Variants in SORCS2 observed in about 807,000 individuals in gnomAD.
SORCS2 encodes sortilin related VPS10 domain containing receptor 2.
Under a neutral mutation model 141.6 loss-of-function variants are expected in SORCS2, and 100 were observed. That is an observed-to-expected ratio of 0.71 (90% confidence interval 0.60 to 0.83). The LOEUF is 0.83. Ranked by LOEUF, SORCS2 falls within the 40% of genes least tolerant of loss-of-function variation. SORCS2 has a pLI of 0.00. For missense variants in SORCS2, 1,646 were observed against 1,560.2 expected, an observed-to-expected ratio of 1.05 and a Z score of -0.93; for synonymous variants, 789 against 676.9, an observed-to-expected ratio of 1.17 and a Z score of -2.57.
At chr4:7,410,949 CTTTTTTTTTTT>C (rs5855962) in intron 2 of SORCS2, among the ~76,000 whole-genome samples, 2 of 73,842 alleles carry the variant, frequency 2.7e-5, no homozygotes, top group South Asian at 7.6e-4. Context: ...TCTCTCCATC[CTTTTTTTTTTT>C]TTTTTTTTTT....
At chr4:7,546,534 G>C (rs968521236) in intron 3 of SORCS2, among the ~76,000 whole-genome samples, 3 of 152,190 alleles carry the variant, frequency 2.0e-5, no homozygotes, top group African/African-American at 7.2e-5. Context: ...CTTCAAGCGG[G>C]AGAGGAGGTG....
At chr4:7,508,201 G>A (rs1017726747) in intron 2 of SORCS2, among the ~76,000 whole-genome samples, 2 of 149,512 alleles carry the variant, frequency 1.3e-5, no homozygotes, top group Admixed American at 1.3e-4. Flanking sequence ...GAAGGGAAGG[G>A]GGAGAAGGAG....
intron 3 of SORCS2, among the ~76,000 whole-genome samples, chr4:7,619,779 C>A (rs1719031644): frequency 6.6e-6 from 1 of 152,206 alleles, no homozygotes. Flanking sequence ...CCGATACTCA[C>A]GTGGCATAGT....
At chr4:7,335,423 G>A (rs1304570363) in intron 1 of SORCS2, among the ~76,000 whole-genome samples, 1 of 152,226 alleles carries the variant, frequency 6.6e-6, no homozygotes, top group African/African-American at 2.4e-5. Flanking sequence ...CATGGGAGAG[G>A]AATTCCTCCA....
intron 2 of SORCS2, among the ~76,000 whole-genome samples, chr4:7,525,625 C>T (rs536964844): frequency 6.6e-6 from 1 of 152,070 alleles, no homozygotes; most frequent in South Asian, 2.1e-4. Flanking sequence ...ACTTCCTGGG[C>T]CTACATCCTA....
intron 2 of SORCS2, among the ~76,000 whole-genome samples, chr4:7,513,296 G>A (rs1267287088): frequency 6.6e-6 from 1 of 152,220 alleles, no homozygotes; most frequent in Non-Finnish European, 1.5e-5. Flanking sequence ...CATAGCCACA[G>A]CCCCCTGGCT....
At position 7,216,239 on chromosome 4, in the gene SORCS2, G is replaced by A. The variant is rs924823977; in HGVS notation, c.480+23113G>A. Reference sequence around the variant, plus strand: ...GTGAGACCAAGAACCCACCAATTCCGGACACAAAAGCAGCAGTGAGGGGAG... The same window carrying A: ...GTGAGACCAAGAACCCACCAATTCCAGACACAAAAGCAGCAGTGAGGGGAG... On this transcript the variant is annotated intron_variant, in intron 1 of 26. Transcript: ENST00000507866. Among the ~76,000 whole-genome samples, 16 of 152,160 alleles carry A rather than the reference G, an allele frequency of 1.1e-4. 1 individual carries two copies. The highest frequency in any genetic ancestry group is 8.3e-4 in the South Asian group (4 of 4,814).
chr4:7,378,206 C>T (rs3864214), intron 1 of SORCS2, among the ~76,000 whole-genome samples: 96,960 of 151,726 alleles, frequency 0.64, 31,928 homozygotes, highest in East Asian at 0.96. Flanking sequence ...AAAGTAACCT[C>T]GGGTGAGACT....
intron 3 of SORCS2, among the ~76,000 whole-genome samples, chr4:7,587,655 G>A (rs1030130250): frequency 1.3e-5 from 2 of 152,186 alleles, no homozygotes; most frequent in Non-Finnish European, 2.9e-5. Flanking sequence ...ACCCACAGCA[G>A]CGTCTTCGCC....
Position 7,664,285 on chromosome 4 carries a change from A to C in SORCS2, c.953-68A>C. The C allele has an allele frequency of 7.8e-7, 1 of 1,287,604 alleles. No individual in the cohort carries two copies. The allele number at this position is 1,287,604 out of a possible 1,614,324, so 79.8% of individuals were successfully genotyped here. On this transcript the variant is annotated intron_variant, in intron 6 of 26. Transcript: ENST00000507866. The surrounding 1 kb of genome is among the most constrained non-coding windows in gnomAD (Gnocchi z 4.7). ...GTATTGGAGGAAGATGGAGTCCAGC[A>C]CATGTCTCGGGCCGTCTCTGGCTCC...
intron 4 of SORCS2, among the ~76,000 whole-genome samples, chr4:7,643,299 C>T (rs772684182): frequency 6.6e-6 from 1 of 152,196 alleles, no homozygotes; most frequent in Non-Finnish European, 1.5e-5. Context: ...GCAGTCCCTT[C>T]CCACGCCAGC....
intron 22 of SORCS2, 123 bp downstream of exon 22, chr4:7,728,585 T>C: frequency 1.5e-6 from 1 of 653,856 alleles, no homozygotes; most frequent in Non-Finnish European, 2.6e-6. Context: ...CACACGATGC[T>C]CTGGTCTTCG....
intron 3 of SORCS2, among the ~76,000 whole-genome samples, chr4:7,610,957 TCAA>T (rs1718366598): frequency 1.3e-5 from 2 of 152,060 alleles, no homozygotes; most frequent in South Asian, 4.2e-4. Flanking sequence ...TGGCCATTCA[TCAA>T]CATCTCCAGG....
At chr4:7,204,685 G>A (rs1176420082) in intron 1 of SORCS2, among the ~76,000 whole-genome samples, 1 of 152,208 alleles carries the variant, frequency 6.6e-6, no homozygotes, top group Non-Finnish European at 1.5e-5. Flanking sequence ...GCCTAGAAGG[G>A]ACACGGTGGC....
intron 1 of SORCS2, among the ~76,000 whole-genome samples, chr4:7,197,316 T>C (rs1727229198): frequency 6.6e-6 from 1 of 152,226 alleles, no homozygotes; most frequent in African/African-American, 2.4e-5. Context: ...TGCTAAGGAC[T>C]TCAACGTATG....
chr4:7,267,539 C>T (rs568742153), intron 1 of SORCS2, among the ~76,000 whole-genome samples: 2 of 152,282 alleles, frequency 1.3e-5, no homozygotes, highest in East Asian at 3.9e-4. Context: ...ATGACAACAC[C>T]AGCTCAGCCA....
intron 2 of SORCS2, among the ~76,000 whole-genome samples, chr4:7,478,519 A>G (rs1730438862): frequency 6.6e-6 from 1 of 151,958 alleles, no homozygotes; most frequent in South Asian, 2.1e-4. Flanking sequence ...CCCTTGAGGC[A>G]GGGGTAGAGT....
At chr4:7,484,805 C>CACCCAGCCCCGCTCCTGT (rs1335746543) in intron 2 of SORCS2, among the ~76,000 whole-genome samples, 41 of 152,074 alleles carry the variant, frequency 2.7e-4, no homozygotes, top group Admixed American at 3.9e-4. Context: ...CTCCCTCCTG[C>CACCCAGCCCCGCTCCTGT]ACCCAGCCCC....
chr4:7,568,556 C>A (rs372574558), intron 3 of SORCS2, among the ~76,000 whole-genome samples: 1 of 152,108 alleles, frequency 6.6e-6, no homozygotes, highest in Non-Finnish European at 1.5e-5. Context: ...TTTATCACAG[C>A]GACCACCAAA....
Sources: allele counts gnomAD v4.1 joint callset (sites outside exome capture counted in the v4.1 genomes callset), GRCh38; gene constraint gnomAD v4.1.1; non-coding constraint Gnocchi (gnomAD v3.1); transcripts MANE v1.5; gene names NCBI Gene and HGNC (gene_info 2026-07-23, HGNC 2026-07-21).